BCAS3: variants seen among roughly 807,000 people sequenced by gnomAD.
The protein encoded by BCAS3 is BCAS4/BCAS3 fusion.
Under a neutral mutation model 116.1 loss-of-function variants are expected in BCAS3, and 53 were observed. The observed-to-expected ratio is 0.46, with a 90% CI of 0.37 to 0.57. The LOEUF (loss-of-function observed/expected upper bound fraction) is 0.57. Ranked by LOEUF, BCAS3 falls within the 20% of genes least tolerant of loss-of-function variation. BCAS3 has a pLI of 0.00. For missense variants in BCAS3, 917 were observed against 1,165.4 expected (o/e 0.79, Z 3.10); for synonymous variants, 391 against 408.2 (o/e 0.96, Z 0.51).
intron 8 of BCAS3, among the ~76,000 whole-genome samples, chr17:60,873,311 C>T (rs961058615): frequency 6.6e-6 from 1 of 152,054 alleles, no homozygotes; most frequent in African/African-American, 2.4e-5. Flanking sequence ...AATTATTCTG[C>T]ATCAGTAAAT....
chr17:61,146,218 C>T (rs1472887638), intron 22 of BCAS3, among the ~76,000 whole-genome samples: 1 of 151,726 alleles, frequency 6.6e-6, no homozygotes, highest in East Asian at 1.9e-4. Flanking sequence ...GTGATCCTCC[C>T]ACGTCAGTCT....
chr17:60,776,842 C>T (rs1270437886), intron 6 of BCAS3, among the ~76,000 whole-genome samples: 1 of 151,622 alleles, frequency 6.6e-6, no homozygotes, highest in Non-Finnish European at 1.5e-5. Context: ...ACAGAGAAAC[C>T]CCATCTCTAC....
chr17:60,857,477 T>C (rs760034982), intron 7 of BCAS3, among the ~76,000 whole-genome samples: 5 of 152,228 alleles, frequency 3.3e-5, no homozygotes, highest in Non-Finnish European at 7.3e-5. Flanking sequence ...GTATTCTGTG[T>C]AAAACTTTCT....
chr17:61,260,285 A>C (rs566110256), intron 22 of BCAS3, among the ~76,000 whole-genome samples: 1 of 152,326 alleles, frequency 6.6e-6, no homozygotes, highest in South Asian at 2.1e-4. Context: ...AAAACAGTGG[A>C]GTTCCACAGT....
Position 61,015,771 on chromosome 17 carries a change from T to G in BCAS3, c.1507T>G (p.Ser503Ala). The change falls in exon 16 of 24, where the codon TCC becomes GCC. Residue 503 changes from serine (S) to alanine (A), a missense_variant. Transcript: ENST00000407086. ...PLHGKLNSQD[S>A]YNNFTNNNPG... ...TGTAGGGAAACTGAACAGCCAAGAC[T>G]CCTATAACAATTTTACCAACAACAA... 1 of 1,614,016 alleles carries G rather than the reference T, an allele frequency of 6.2e-7. No homozygotes were observed. Among genetic ancestry groups the G allele is most frequent in the South Asian group, 1.1e-5 (1 of 91,070 alleles).
chr17:61,329,451 C>T (rs1568865478), intron 22 of BCAS3, among the ~76,000 whole-genome samples: 1 of 151,808 alleles, frequency 6.6e-6, no homozygotes. Flanking sequence ...CGCCATTCTC[C>T]TGCCTCAGCC....
At chr17:61,011,307 A>G (rs1472067597) in intron 15 of BCAS3, among the ~76,000 whole-genome samples, 2 of 152,076 alleles carry the variant, frequency 1.3e-5, no homozygotes, top group African/African-American at 4.8e-5. Context: ...CAAGGCAGAC[A>G]CTGCAGGTTT....
intron 12 of BCAS3, among the ~76,000 whole-genome samples, 193 bp downstream of exon 12, chr17:60,910,895 G>T (rs1257364316): frequency 6.6e-6 from 1 of 151,894 alleles, no homozygotes; most frequent in Non-Finnish European, 1.5e-5. Context: ...CATTATTAAT[G>T]CATCAAACCT....
chr17:60,862,733 C>T (rs541633775), intron 7 of BCAS3, among the ~76,000 whole-genome samples: 1 of 152,148 alleles, frequency 6.6e-6, no homozygotes, highest in African/African-American at 2.4e-5. Flanking sequence ...CTCACTGCAT[C>T]CTCAAATTGC....
At chr17:60,781,106 G>A (rs1280479510) in intron 6 of BCAS3, among the ~76,000 whole-genome samples, 1 of 151,554 alleles carries the variant, frequency 6.6e-6, no homozygotes, top group Non-Finnish European at 1.5e-5. Flanking sequence ...GTAGGTTGGG[G>A]TTACAGGTGC....
chr17:61,373,714 G>A (rs2059170015), intron 23 of BCAS3, among the ~76,000 whole-genome samples: 1 of 99,986 alleles, frequency 1.0e-5, no homozygotes, highest in African/African-American at 3.0e-5. Flanking sequence ...TTACAGGCAT[G>A]AACCACGATG....
At chr17:61,310,740 C>T (rs1490959273) in intron 22 of BCAS3, among the ~76,000 whole-genome samples, 2 of 152,114 alleles carry the variant, frequency 1.3e-5, no homozygotes, top group Non-Finnish European at 2.9e-5. Flanking sequence ...CCTCCAAGAG[C>T]TCACCATCTA....
intron 5 of BCAS3, 155 bp downstream of exon 5, chr17:60,709,480 C>G (rs562044302): frequency 1.7e-4 from 86 of 503,076 alleles, no homozygotes; most frequent in African/African-American, 1.5e-3. Context: ...ACCTCTGCCT[C>G]CCAGCTTCAA....
At chr17:60,728,573 G>T (rs566411706) in intron 5 of BCAS3, among the ~76,000 whole-genome samples, 1 of 152,062 alleles carries the variant, frequency 6.6e-6, no homozygotes, top group African/African-American at 2.4e-5. Context: ...TCCACCTCCT[G>T]GGTTCAAGTG....
chr17:61,360,017 T>TTG (rs71150610), intron 22 of BCAS3, among the ~76,000 whole-genome samples: 253 of 151,166 alleles, frequency 1.7e-3, no homozygotes, highest in Non-Finnish European at 3.0e-3. Context: ...TTTCTTTTTT[T>TTG]TTTTTTTGAG....
intron 4 of BCAS3, among the ~76,000 whole-genome samples, chr17:60,699,574 G>A (rs2036108680): frequency 6.6e-6 from 1 of 152,070 alleles, no homozygotes; most frequent in Non-Finnish European, 1.5e-5. Flanking sequence ...AGGTACATAA[G>A]TTTATAATTC....
chr17:61,003,404 C>T (rs1424108984), intron 15 of BCAS3, among the ~76,000 whole-genome samples: 1 of 143,750 alleles, frequency 7.0e-6, no homozygotes, highest in African/African-American at 2.6e-5. Flanking sequence ...CCTCCCCTCC[C>T]CTTCCCTTCC....
intron 22 of BCAS3, among the ~76,000 whole-genome samples, chr17:61,101,919 G>T (rs2074351451): frequency 6.6e-6 from 1 of 152,070 alleles, no homozygotes; most frequent in African/African-American, 2.4e-5. Context: ...ACGGTGACTA[G>T]GTTTTGCCTT....
intron 21 of BCAS3, among the ~76,000 whole-genome samples, chr17:61,079,909 T>TTG (rs1555704302): frequency 2.9e-5 from 4 of 136,128 alleles, no homozygotes; most frequent in Non-Finnish European, 6.1e-5. Context: ...TTTTTTTTTT[T>TTG]GAGACTGAGT....
Sources: gnomAD v4.1 joint callset for allele counts (sites outside exome capture counted in the v4.1 genomes callset) on GRCh38, gnomAD v4.1.1 for gene constraint, MANE v1.5 for transcripts, NCBI Gene and HGNC (gene_info 2026-07-23, HGNC 2026-07-21) for gene names.